PPRC1: variants seen among roughly 807,000 people sequenced by gnomAD.
The protein encoded by PPRC1 is PPARG related coactivator 1, also known as peroxisome proliferator-activated receptor gamma coactivator-related protein 1.
Under a neutral mutation model 132.5 loss-of-function variants are expected in PPRC1, and 23 were observed. That is an observed-to-expected ratio of 0.17 (90% confidence interval 0.12 to 0.25). PPRC1 has a LOEUF of 0.25. PPRC1 is among the 10% of genes least tolerant of loss of function. PPRC1 has a pLI of 1.00. For synonymous variants in PPRC1, 872 were observed against 833.5 expected (o/e 1.05, Z -0.80); for missense variants, 2,006 against 2,089.1 (o/e 0.96, Z 0.78).
intron 8 of PPRC1, 95 bp downstream of exon 8, chr10:102,145,185 A>T: frequency 8.4e-7 from 1 of 1,197,330 alleles, no homozygotes; most frequent in Non-Finnish European, 1.2e-6. Flanking sequence ...CGTTAAGGAC[A>T]TAGAGATCTG....
At chr10:102,127,703 G>A in the PPRC1 span, among the ~76,000 whole-genome samples, 1 of 151,944 alleles carries the variant, frequency 6.6e-6, no homozygotes, top group Non-Finnish European at 1.5e-5. Context: ...ACCACGCCCG[G>A]CCTGCCCAGC....
intron 1 of PPRC1, 127 bp downstream of exon 1, chr10:102,133,348 C>A: frequency 1.2e-6 from 1 of 828,436 alleles, no homozygotes; most frequent in Non-Finnish European, 1.6e-6. Flanking sequence ...GGAGCCGGGC[C>A]GGAGCAAGTG....
At position 102,147,257 on chromosome 10, in the gene PPRC1, G is replaced by A. The variant is rs201182074; in HGVS notation, c.4265G>A (p.Arg1422His). The A allele has an allele frequency of 9.3e-6, 15 of 1,612,790 alleles. No individual in the cohort carries two copies. The Admixed American group carries it at 1.5e-4, about 16-fold the overall frequency. Residue 1422 changes from arginine to histidine, a missense_variant, in exon 9 of 14, where the codon CGC becomes CAC. Physicochemically the swap from Arg to His is conservative, Grantham distance 29. Around this residue, in one of 2 missense-constraint regions of PPRC1, gnomAD observed 1,914 missense variants for 1,917.2 expected, o/e 1.00. Coordinates refer to ENST00000278070, the MANE Select transcript of PPRC1 (RefSeq NM_015062.5). ...ASPSSQGWQGRRGRNSRSVSS... is the reference protein window; with the variant it reads ...ASPSSQGWQGHRGRNSRSVSS... ...CCCTCAAGCCAGGGCTGGCAGGGCC[G>A]CCGAGGCCGCAACAGCCGTTCTGTC...
Position 102,149,270 on chromosome 10 carries a change from C to T in PPRC1, c.4832C>T (p.Pro1611Leu), listed in dbSNP as rs747154900. 3 of 1,612,300 alleles carry T rather than the reference C, an allele frequency of 1.9e-6. No homozygotes were observed. In the South Asian group the frequency reaches 3.3e-5, roughly 18 times the overall value. ...GHKLRQADEQ[P>L]FDLCFGGRRQ... ...AAGCTGCGGCAGGCAGATGAGCAGC[C>T]CTTTGATCTCTGCTTTGGGGGCCGA... Residue 1611 changes from proline to leucine, a missense_variant, in exon 13 of 14, where the codon CCC becomes CTC. This residue lies in a region of PPRC1 where 92 missense variants were observed against 171.9 expected (regional missense o/e 0.54). Transcript: ENST00000278070.
the PPRC1 span, among the ~76,000 whole-genome samples, chr10:102,127,568 G>A: frequency 3.4e-5 from 5 of 147,526 alleles, no homozygotes; most frequent in South Asian, 2.1e-4. Flanking sequence ...TACCACGCCC[G>A]GCTAATTTTT....
At position 102,133,165 on chromosome 10, in the gene PPRC1, G is replaced by T; in HGVS notation, c.97G>T (p.Gly33Ter). Residue 33 changes from glycine (G) to a stop codon, truncating the protein, a stop_gained, in exon 1 of 14, where the codon GGA becomes TGA. Transcript: ENST00000278070. LOFTEE classifies it high-confidence loss of function. ...PGGGARGSGW[G>*]SRSQAPYGTL... The stretch of plus-strand genomic sequence containing the variant: ...CGGGGGAGCCCGCGGCAGTGGTTGG[G>T]GAAGTCGAAGCCAAGCGCCGTATGG... 1 of 1,269,316 alleles carries T rather than the reference G, an allele frequency of 7.9e-7. No individual in the cohort carries two copies. Among genetic ancestry groups the T allele is most frequent in the Non-Finnish European group, 1.0e-6 (1 of 1,000,896 alleles). 78.6% of individuals were successfully genotyped at this position (1,269,316 alleles called of 1,614,324 possible).
Position 102,150,072 on chromosome 10 carries a change from C to G in PPRC1, c.*43C>G, listed in dbSNP as rs772841670. The G allele has an allele frequency of 7.0e-7, 1 of 1,436,872 alleles. No individual in the cohort carries two copies. Among genetic ancestry groups the G allele is most frequent in the South Asian group, 1.1e-5 (1 of 87,428 alleles). 89.0% of individuals were successfully genotyped at this position (1,436,872 alleles called of 1,614,324 possible). A position where few individuals can be genotyped will look rare whatever the true frequency, so the allele number is the denominator to read the frequency against. ...CTATCCTTTTTCTCCTTTGGAGGTG[C>G]CCAACCTCCTCCACCCCCTTCCCCT... On this transcript the variant is annotated 3_prime_UTR_variant, in exon 14 of 14. Coordinates refer to ENST00000278070, the MANE Select transcript of PPRC1 (RefSeq NM_015062.5).
chr10:102,120,414 C>G, the PPRC1 span: 1 of 983,084 alleles, frequency 1.0e-6, no homozygotes, highest in Non-Finnish European at 1.2e-6. Flanking sequence ...TGTCTGTGCG[C>G]TCCCGCCGCC....
Position 102,141,495 on chromosome 10 carries a change from C to G in PPRC1, c.2987C>G (p.Thr996Ser). ...PGPQHAPFWS[T>S]VPPPPLPPAS... ...CCTCAACATGCTCCATTCTGGTCTA[C>G]TGTTCCCCCACCTCCTTTGCCTCCA... Residue 996 changes from threonine (T) to serine (S), a missense_variant, in exon 5 of 14, where the codon ACT (threonine) becomes AGT (serine). Coordinates refer to ENST00000278070, the MANE Select transcript of PPRC1 (RefSeq NM_015062.5). 1.2e-6 allele frequency: 2 copies of G among 1,613,860 alleles called. No individual in the cohort carries two copies. Among genetic ancestry groups the G allele is most frequent in the Non-Finnish European group, 1.7e-6 (2 of 1,179,950 alleles).
intron 1 of PPRC1, among the ~76,000 whole-genome samples, chr10:102,134,064 G>T (rs1057225498): frequency 6.6e-6 from 1 of 152,086 alleles, no homozygotes; most frequent in Non-Finnish European, 1.5e-5. Flanking sequence ...ACCGGCTTGG[G>T]GTGGGTTGTG....
In PPRC1 at chr10:102,144,272, G is replaced by C; in HGVS notation, c.3573G>C (p.Pro1191=). The C allele has an allele frequency of 6.2e-7, 1 of 1,614,140 alleles. No individual in the cohort carries two copies. Among genetic ancestry groups the C allele is most frequent in the Non-Finnish European group, 8.5e-7 (1 of 1,180,030 alleles). ...KSEAKKECPP[P]APADSLAVGN... ...CAGCCAAAAAGGAGTGTCCTCCTCC[G>C]GCTCCTGCTGACAGCTTGGCTGTAG... The change falls in exon 7 of 14, where the codon CCG becomes CCC. Residue 1191 remains proline, a synonymous_variant. Coordinates refer to ENST00000278070, the MANE Select transcript of PPRC1 (RefSeq NM_015062.5).
At position 102,140,873 on chromosome 10, in the gene PPRC1, C is replaced by T; in HGVS notation, c.2365C>T (p.Leu789=). The part of the protein sequence containing the change: ...WPSLPETPTG[L]ADIPCLVIPP... ...TAGCCTTCCAGAGACTCCCACAGGG[C>T]TGGCAGACATCCCTTGTCTTGTCAT... The change falls in exon 5 of 14, where the codon CTG becomes TTG. Residue 789 remains leucine, a synonymous_variant. Coordinates refer to ENST00000278070, the MANE Select transcript of PPRC1 (RefSeq NM_015062.5). The T allele has an allele frequency of 6.2e-7, 1 of 1,614,120 alleles. No homozygotes were observed. Among genetic ancestry groups the T allele is most frequent in the Non-Finnish European group, 8.5e-7 (1 of 1,180,030 alleles).
rs2069003046 is a variant in PPRC1 at position 102,141,950 on chromosome 10, A to T, written c.3442A>T (p.Thr1148Ser). ...TCTAAGGAAGCTGTCCTTCCTGCCT[A>T]CCCCACGTACTCAGGGTTCTGAAGA... is the stretch of plus-strand genomic sequence containing the variant. ...ARLRKLSFLPTPRTQGSEDVV... is the reference protein window; with the variant it reads ...ARLRKLSFLPSPRTQGSEDVV... Residue 1148 changes from threonine (T) to serine (S), a missense_variant, in exon 5 of 14, where the codon ACC (threonine) becomes TCC (serine). Around this residue, in one of 2 missense-constraint regions of PPRC1, gnomAD observed 1,914 missense variants for 1,917.2 expected, o/e 1.00. Coordinates refer to ENST00000278070, the MANE Select transcript of PPRC1 (RefSeq NM_015062.5). 1 of 1,613,896 alleles carries T rather than the reference A, an allele frequency of 6.2e-7. No individual in the cohort carries two copies. Among genetic ancestry groups the T allele is most frequent in the Non-Finnish European group, 8.5e-7 (1 of 1,179,888 alleles).
intron 6 of PPRC1, 44 bp downstream of exon 6, chr10:102,143,142 A>C: frequency 6.3e-7 from 1 of 1,578,468 alleles, no homozygotes; most frequent in Non-Finnish European, 8.7e-7. Context: ...TTTTTTGGTG[A>C]TACTTTTTTG....
Position 102,145,210 on chromosome 10 carries a change from G to A in PPRC1, c.3679+120G>A, listed in dbSNP as rs1205296109. ...ATAGAGATCTGATCTCCAGCCTTGA[G>A]ATACTCACAGTCTAGGGGGCAGACT... On this transcript the variant is annotated intron_variant, in intron 8 of 13. Coordinates refer to ENST00000278070, the MANE Select transcript of PPRC1 (RefSeq NM_015062.5). 3 of 928,658 alleles carry A rather than the reference G, an allele frequency of 3.2e-6. No individual in the cohort carries two copies. The East Asian group carries it at 8.1e-5, about 25-fold the overall frequency. The allele number at this position is 928,658 out of a possible 1,614,324, so 57.5% of individuals were successfully genotyped here. A position where few individuals can be genotyped will look rare whatever the true frequency, so the allele number is the denominator to read the frequency against.
chr10:102,137,124 A>C (rs2068755347), intron 1 of PPRC1, among the ~76,000 whole-genome samples: 1 of 152,100 alleles, frequency 6.6e-6, no homozygotes, highest in Non-Finnish European at 1.5e-5. Flanking sequence ...GGATTACTTG[A>C]GATTTGGAGT....
chr10:102,128,988 G>A (rs2068503139), upstream of PPRC1, among the ~76,000 whole-genome samples: 2 of 139,906 alleles, frequency 1.4e-5, no homozygotes, highest in Non-Finnish European at 3.0e-5. Context: ...GGAGTGCAGT[G>A]GCGCGATCTC....
chr10:102,143,424 C>T (rs1487221699), intron 6 of PPRC1, among the ~76,000 whole-genome samples: 1 of 151,934 alleles, frequency 6.6e-6, no homozygotes, highest in Non-Finnish European at 1.5e-5. Context: ...CATGGTGAAA[C>T]CCCGTATCTA....
upstream of PPRC1, among the ~76,000 whole-genome samples, chr10:102,129,231 T>G (rs112057815): frequency 2.7e-3 from 416 of 152,176 alleles, 1 homozygote; most frequent in African/African-American, 9.5e-3. Flanking sequence ...ATGCCTGACC[T>G]CCACAGAAAA....
Sources: allele counts gnomAD v4.1 joint callset (sites outside exome capture counted in the v4.1 genomes callset), GRCh38; gene constraint gnomAD v4.1.1; regional missense constraint gnomAD v4.1.1; transcripts MANE v1.5; gene names NCBI Gene and HGNC (gene_info 2026-07-23, HGNC 2026-07-21).